Variants in KCNH1 observed in about 807,000 individuals in gnomAD.
The protein encoded by KCNH1 is potassium voltage-gated channel subfamily H member 1, also known as voltage-gated delayed rectifier potassium channel KCNH1.
In KCNH1, 27 loss-of-function variants were observed where a neutral mutation model predicts 69.2. That is an observed-to-expected ratio of 0.39 (90% confidence interval 0.29 to 0.54). KCNH1 has a LOEUF of 0.54. KCNH1 is among the 20% of genes least tolerant of loss of function. KCNH1 has a pLI of 0.68. For missense variants in KCNH1, 798 were observed against 1,261.6 expected, an observed-to-expected ratio of 0.63 and a Z score of 5.57; for synonymous variants, 456 against 487.7, an observed-to-expected ratio of 0.93 and a Z score of 0.86.
chr1:210,702,974 T>A lies in KCNH1; in HGVS notation c.2113-18836A>T, dbSNP rs1015804949. On this transcript the variant is annotated intron_variant, in intron 10 of 10. Transcript: ENST00000271751. ...TTTCTATATTTTAAAAAATTGTTTT[T>A]ATATCATTTCATTGGGTTTTCTGGA... Among the ~76,000 whole-genome samples, 6 of 152,302 alleles carry A rather than the reference T, an allele frequency of 3.9e-5. No homozygotes were observed. The East Asian group carries it at 9.6e-4, about 24-fold the overall frequency.
At chr1:211,103,707 AACAC>A in intron 2 of KCNH1, 105 bp from the exon 3 acceptor site, 16 of 658,250 alleles carry the variant, frequency 2.4e-5, no homozygotes, top group South Asian at 4.2e-5. Flanking sequence ...TGTACTGTGG[AACAC>A]ACACACACAC....
intron 6 of KCNH1, among the ~76,000 whole-genome samples, chr1:210,948,141 C>A (rs566532514): frequency 3.3e-5 from 5 of 150,912 alleles, no homozygotes; most frequent in African/African-American, 1.2e-4. Context: ...TCACTGAAGC[C>A]CAGGAGTTCA....
chr1:211,035,266 T>G (rs1689875073), intron 5 of KCNH1, among the ~76,000 whole-genome samples: 1 of 82,868 alleles, frequency 1.2e-5, no homozygotes, highest in Non-Finnish European at 2.3e-5. Flanking sequence ...TTTTTTTTTT[T>G]GAGACGGAGT....
chr1:211,080,766 T>TG (rs1249731062), intron 5 of KCNH1, among the ~76,000 whole-genome samples: 3 of 152,108 alleles, frequency 2.0e-5, no homozygotes, highest in African/African-American at 7.2e-5. Flanking sequence ...GCTAGCCATA[T>TG]TGGAAAGCTG....
intron 10 of KCNH1, among the ~76,000 whole-genome samples, chr1:210,713,831 T>C (rs970840727): frequency 2.6e-5 from 4 of 152,090 alleles, no homozygotes; most frequent in South Asian, 2.1e-4. Context: ...GAGTGGGAAA[T>C]TCAGAGGTCA....
intron 9 of KCNH1, among the ~76,000 whole-genome samples, chr1:210,788,294 A>T (rs1391462084): frequency 2.0e-5 from 3 of 152,194 alleles, no homozygotes; most frequent in Non-Finnish European, 2.9e-5. Flanking sequence ...ATGCATTTTG[A>T]TCTAGTTAAG....
intron 5 of KCNH1, among the ~76,000 whole-genome samples, chr1:211,024,614 G>A (rs1354187971): frequency 6.6e-6 from 1 of 152,174 alleles, no homozygotes; most frequent in Non-Finnish European, 1.5e-5. Flanking sequence ...ATAATCTGAT[G>A]CATGTTTCTA....
At chr1:210,862,908 T>C (rs1030536833) in intron 7 of KCNH1, among the ~76,000 whole-genome samples, 2 of 152,178 alleles carry the variant, frequency 1.3e-5, no homozygotes, top group African/African-American at 4.8e-5. Flanking sequence ...GTCCCCTTCT[T>C]CCCTACAGAT....
At chr1:210,804,232 GAATGCTC>G in intron 7 of KCNH1, 66 bp from the exon 8 acceptor site, 1 of 1,407,706 alleles carries the variant, frequency 7.1e-7, no homozygotes, top group Non-Finnish European at 9.8e-7. Context: ...CAGGGTTCCA[GAATGCTC>G]AGCTTGCTCA....
At chr1:210,987,755 G>T (rs1292423166) in intron 6 of KCNH1, among the ~76,000 whole-genome samples, 1 of 152,188 alleles carries the variant, frequency 6.6e-6, no homozygotes, top group African/African-American at 2.4e-5. Context: ...GAGGCAGTCT[G>T]CCTGTTCTCA....
intron 1 of KCNH1, among the ~76,000 whole-genome samples, chr1:211,108,265 T>C (rs375960680): frequency 3.1e-4 from 47 of 152,298 alleles, no homozygotes; most frequent in African/African-American, 1.1e-3. Context: ...AGAACTTAAA[T>C]GTAATCATTA....
rs187806991 is a variant in KCNH1, at chr1:210,820,551, T to C, written c.1463-16385A>G. On this transcript the variant is annotated intron_variant, in intron 7 of 10. Coordinates refer to ENST00000271751, the MANE Select transcript of KCNH1 (RefSeq NM_172362.3). The stretch of plus-strand genomic sequence containing the variant: ...CAGGAGCATGAAGCAGGAGAATTGC[T>C]TGAACCCAGGAGGCAGAGGTTGCAG... 7.6e-4 allele frequency among the ~76,000 whole-genome samples: 115 copies of C among 152,240 alleles called. 1 individual carries two copies. The highest frequency in any genetic ancestry group is 3.4e-3 in the Middle Eastern group (1 of 294).
At chr1:210,845,388 G>C (rs1466486466) in intron 7 of KCNH1, among the ~76,000 whole-genome samples, 1 of 152,114 alleles carries the variant, frequency 6.6e-6, no homozygotes, top group Non-Finnish European at 1.5e-5. Flanking sequence ...CCATGATCAA[G>C]TGGGCTTCAT....
intron 10 of KCNH1, among the ~76,000 whole-genome samples, chr1:210,746,107 C>T (rs1176474834): frequency 6.6e-6 from 1 of 152,030 alleles, no homozygotes; most frequent in South Asian, 2.1e-4. Context: ...AAATATGGGG[C>T]AGTGACCCTC....
At chr1:211,104,782 C>T (rs1464155046) in intron 2 of KCNH1, among the ~76,000 whole-genome samples, 1 of 152,202 alleles carries the variant, frequency 6.6e-6, no homozygotes, top group East Asian at 1.9e-4. Context: ...AGGTATTGCA[C>T]AAACTGCCAT....
chr1:211,077,031 A>G (rs34388444), intron 5 of KCNH1, among the ~76,000 whole-genome samples: 3,404 of 152,284 alleles, frequency 0.022, 65 homozygotes, highest in Middle Eastern at 0.065. Flanking sequence ...TCAAATTAAT[A>G]AAATAAAGTG....
intron 10 of KCNH1, among the ~76,000 whole-genome samples, chr1:210,691,997 T>C (rs1574184658): frequency 6.6e-6 from 1 of 152,320 alleles, no homozygotes; most frequent in African/African-American, 2.4e-5. Flanking sequence ...CCCAGTGGCC[T>C]TCATCCAGGA....
At chr1:211,067,798 A>T (rs560881177) in intron 5 of KCNH1, among the ~76,000 whole-genome samples, 20 of 152,330 alleles carry the variant, frequency 1.3e-4, no homozygotes, top group African/African-American at 3.4e-4. Flanking sequence ...AATGAGAAAC[A>T]GGATAGGTTG....
chr1:210,807,231 C>T (rs1684603181), intron 7 of KCNH1, among the ~76,000 whole-genome samples: 1 of 152,094 alleles, frequency 6.6e-6, no homozygotes, highest in Non-Finnish European at 1.5e-5. Context: ...ACAGAGATCT[C>T]CTTGTGCTTC....
Sources: gnomAD v4.1 joint callset for allele counts (sites outside exome capture counted in the v4.1 genomes callset) on GRCh38, gnomAD v4.1.1 for gene constraint, MANE v1.5 for transcripts, NCBI Gene and HGNC (gene_info 2026-07-23, HGNC 2026-07-21) for gene names.